TMEM132C: variants seen among roughly 807,000 people sequenced by gnomAD.
The protein encoded by TMEM132C is protein phosphatase 1, regulatory subunit 152.
Under a neutral mutation model 61.4 loss-of-function variants are expected in TMEM132C, and 29 were observed. The ratio of observed to expected loss-of-function variants is 0.47; its 90% CI spans 0.35 to 0.64. The LOEUF is 0.64. Among genes scored for constraint, TMEM132C ranks in the 30% least tolerant of loss-of-function variants. TMEM132C has a pLI of 0.00. For missense variants in TMEM132C, 1,408 were observed against 1,476.9 expected (o/e 0.95, Z 0.76); for synonymous variants, 656 against 633.1 (o/e 1.04, Z -0.54).
At chr12:128,554,502 C>T (rs1874271052) in intron 3 of TMEM132C, among the ~76,000 whole-genome samples, 1 of 152,176 alleles carries the variant, frequency 6.6e-6, no homozygotes, top group African/African-American at 2.4e-5. Flanking sequence ...GCAAATCAAA[C>T]AAAACGTATA....
At chr12:128,395,169 TAAC>T (rs1342841458) in intron 1 of TMEM132C, among the ~76,000 whole-genome samples, 23 of 150,572 alleles carry the variant, frequency 1.5e-4, no homozygotes, top group African/African-American at 5.1e-4. Context: ...TTTATGGTAA[TAAC>T]AGAATACTAA....
chr12:128,593,691 C>T (rs758186832), intron 3 of TMEM132C, among the ~76,000 whole-genome samples: 1 of 152,208 alleles, frequency 6.6e-6, no homozygotes, highest in Non-Finnish European at 1.5e-5. Context: ...ACACCCAGCT[C>T]AGGGCATCTG....
At chr12:128,469,909 C>T (rs1870889150) in intron 2 of TMEM132C, among the ~76,000 whole-genome samples, 1 of 152,032 alleles carries the variant, frequency 6.6e-6, no homozygotes, top group Admixed American at 6.5e-5. Flanking sequence ...TAAATGCACA[C>T]ATATTATATA....
intron 4 of TMEM132C, among the ~76,000 whole-genome samples, chr12:128,649,047 G>A (rs144082314): frequency 6.9e-6 from 1 of 143,912 alleles, no homozygotes; most frequent in South Asian, 2.1e-4. Flanking sequence ...TGTGTTTATT[G>A]GAGTCCATCA....
chr12:128,548,342 A>G (rs1874036462), intron 3 of TMEM132C, among the ~76,000 whole-genome samples: 2 of 152,166 alleles, frequency 1.3e-5, no homozygotes, highest in Admixed American at 1.3e-4. Context: ...TGTGTTTTTC[A>G]TGCAAAAATA....
At chr12:128,468,039 T>A (rs933482551) in intron 2 of TMEM132C, among the ~76,000 whole-genome samples, 2 of 152,114 alleles carry the variant, frequency 1.3e-5, no homozygotes, top group Admixed American at 1.3e-4. Flanking sequence ...TCCGGCACCA[T>A]AGGGAGTAGA....
intron 2 of TMEM132C, among the ~76,000 whole-genome samples, chr12:128,542,024 G>A (rs1873777796): frequency 6.6e-6 from 1 of 152,128 alleles, no homozygotes; most frequent in African/African-American, 2.4e-5. Context: ...CATAAAAAGG[G>A]GAGTTTAATT....
chr12:128,401,306 G>A (rs1160691871), intron 1 of TMEM132C, among the ~76,000 whole-genome samples: 1 of 152,140 alleles, frequency 6.6e-6, no homozygotes, highest in Admixed American at 6.5e-5. Flanking sequence ...TATGAGCCAT[G>A]AAACGAAATC....
At chr12:128,489,662 A>G (rs1216506476) in intron 2 of TMEM132C, among the ~76,000 whole-genome samples, 1 of 151,426 alleles carries the variant, frequency 6.6e-6, no homozygotes, top group Non-Finnish European at 1.5e-5. Flanking sequence ...AGAATTTCCC[A>G]GTGCTTTCCC....
intron 3 of TMEM132C, among the ~76,000 whole-genome samples, chr12:128,572,537 C>T (rs1222549100): frequency 6.6e-6 from 1 of 151,640 alleles, no homozygotes; most frequent in African/African-American, 2.4e-5. Flanking sequence ...ATTGGCCGGG[C>T]CTGGGTCACA....
At chr12:128,316,971 T>G (rs1057065060) in intron 1 of TMEM132C, among the ~76,000 whole-genome samples, 1 of 152,214 alleles carries the variant, frequency 6.6e-6, no homozygotes. Flanking sequence ...GTGACCTCAA[T>G]TTTTTGAATA....
At chr12:128,340,933 TC>T (rs1593017353) in intron 1 of TMEM132C, among the ~76,000 whole-genome samples, 2 of 147,954 alleles carry the variant, frequency 1.4e-5, no homozygotes, top group East Asian at 3.9e-4. Context: ...TCTCTCTCTC[TC>T]TCTCTCTCTC....
intron 1 of TMEM132C, among the ~76,000 whole-genome samples, chr12:128,365,391 C>T (rs1163350709): frequency 6.6e-6 from 1 of 152,134 alleles, no homozygotes; most frequent in Non-Finnish European, 1.5e-5. Context: ...TATCATTATA[C>T]TATTAGATAT....
chr12:128,348,380 A>G (rs1470909550), intron 1 of TMEM132C, among the ~76,000 whole-genome samples: 3 of 152,228 alleles, frequency 2.0e-5, no homozygotes, highest in African/African-American at 7.2e-5. Flanking sequence ...GAGAAGAGAA[A>G]TGGTTTTATT....
intron 1 of TMEM132C, among the ~76,000 whole-genome samples, chr12:128,338,046 C>A (rs1683731): frequency 0.037 from 5,679 of 151,704 alleles, 110 homozygotes; most frequent in African/African-American, 0.058. Flanking sequence ...TTGTCTCTGC[C>A]TTGAAGTCCT....
chr12:128,324,166 T>C (rs1872429925), intron 1 of TMEM132C, among the ~76,000 whole-genome samples: 1 of 152,140 alleles, frequency 6.6e-6, no homozygotes, highest in Non-Finnish European at 1.5e-5. Flanking sequence ...CTGTCTACAA[T>C]CCACCTTCCT....
chr12:128,513,311 G>A (rs1872623388), intron 2 of TMEM132C, among the ~76,000 whole-genome samples: 2 of 152,264 alleles, frequency 1.3e-5, no homozygotes, highest in East Asian at 3.9e-4. Context: ...CCCTCCTCCA[G>A]CCCCCAAGTA....
intron 2 of TMEM132C, among the ~76,000 whole-genome samples, chr12:128,486,004 C>T (rs1445072990): frequency 2.6e-5 from 4 of 152,130 alleles, no homozygotes; most frequent in African/African-American, 9.7e-5. Flanking sequence ...CCTGGATAGT[C>T]GGAGATTTCC....
intron 3 of TMEM132C, among the ~76,000 whole-genome samples, chr12:128,580,945 C>T (rs1875311107): frequency 6.6e-6 from 1 of 152,178 alleles, no homozygotes; most frequent in Admixed American, 6.5e-5. Context: ...TAGATGCCAA[C>T]TGCACACCCT....
Sources: allele counts gnomAD v4.1 joint callset (sites outside exome capture counted in the v4.1 genomes callset), GRCh38; gene constraint gnomAD v4.1.1; transcripts MANE v1.5; gene names NCBI Gene and HGNC (gene_info 2026-07-23, HGNC 2026-07-21).